Variants in LRRC40 observed in about 807,000 individuals in gnomAD.
The protein encoded by LRRC40 is leucine-rich repeat-containing protein 40.
LRRC40 carries 76 observed loss-of-function variants against 72.8 expected under a neutral mutation model. The observed-to-expected ratio is 1.04, with a 90% CI of 0.87 to 1.26. The LOEUF (loss-of-function observed/expected upper bound fraction) is 1.26. LRRC40 is among the 50% of genes most tolerant of loss of function. LRRC40 has a pLI of 0.00. For missense variants in LRRC40, 684 were observed against 698.9 expected, an observed-to-expected ratio of 0.98 and a Z score of 0.24; for synonymous variants, 243 against 254.2, an observed-to-expected ratio of 0.96 and a Z score of 0.42.
intron 9 of LRRC40, among the ~76,000 whole-genome samples, chr1:70,166,834 G>A (rs1274063184): frequency 6.6e-6 from 1 of 151,612 alleles, no homozygotes; most frequent in Non-Finnish European, 1.5e-5. Flanking sequence ...ACATGCATTT[G>A]TTTTTGGCTT....
At chr1:70,195,201 T>C (rs916514474) in intron 1 of LRRC40, among the ~76,000 whole-genome samples, 3 of 151,982 alleles carry the variant, frequency 2.0e-5, no homozygotes, top group Non-Finnish European at 2.9e-5. Flanking sequence ...AGAAAAACAA[T>C]TGATAAACTA....
At chr1:70,176,710 T>C (rs1187730504) in intron 6 of LRRC40, among the ~76,000 whole-genome samples, 1 of 152,074 alleles carries the variant, frequency 6.6e-6, no homozygotes, top group Non-Finnish European at 1.5e-5. Flanking sequence ...AGGGTCCACT[T>C]TTATATAAAT....
At chr1:70,198,701 T>C (rs911357606) in intron 1 of LRRC40, among the ~76,000 whole-genome samples, 1 of 152,142 alleles carries the variant, frequency 6.6e-6, no homozygotes, top group African/African-American at 2.4e-5. Flanking sequence ...GCGAACAAAA[T>C]TTGAATGTTT....
intron 5 of LRRC40, chr1:70,180,580 A>G (rs1257278055): frequency 6.6e-6 from 1 of 152,264 alleles, no homozygotes; most frequent in Admixed American, 6.5e-5. Flanking sequence ...TAGTTCTACA[A>G]TACTTCAGAT....
chr1:70,160,190 C>G (rs775973352), intron 9 of LRRC40, among the ~76,000 whole-genome samples: 1 of 151,970 alleles, frequency 6.6e-6, no homozygotes, highest in Non-Finnish European at 1.5e-5. Flanking sequence ...AATGTGAAAA[C>G]GATGAAACAG....
chr1:70,203,312 T>C (rs962146017), intron 1 of LRRC40, among the ~76,000 whole-genome samples: 8 of 152,200 alleles, frequency 5.3e-5, no homozygotes, highest in African/African-American at 1.7e-4. Flanking sequence ...CTATGGGAAG[T>C]CATTAAACGT....
At chr1:70,146,148 C>G (rs61784322) in intron 14 of LRRC40, among the ~76,000 whole-genome samples, 1 of 152,086 alleles carries the variant, frequency 6.6e-6, no homozygotes, top group Admixed American at 6.6e-5. Context: ...CCTCAGCCTC[C>G]CGGGTAGCTG....
intron 1 of LRRC40, among the ~76,000 whole-genome samples, chr1:70,190,958 AT>A (rs1453480633): frequency 3.3e-5 from 5 of 152,046 alleles, no homozygotes; most frequent in African/African-American, 1.2e-4. Flanking sequence ...GCACCATACA[AT>A]TTATCATCAT....
intron 13 of LRRC40, among the ~76,000 whole-genome samples, chr1:70,149,585 A>G (rs1472763532): frequency 6.6e-6 from 1 of 152,228 alleles, no homozygotes; most frequent in East Asian, 1.9e-4. Context: ...ATTACTTGCA[A>G]GGCAATTGTT....
chr1:70,149,402 A>C (rs747316480), intron 13 of LRRC40, among the ~76,000 whole-genome samples: 21 of 152,226 alleles, frequency 1.4e-4, no homozygotes, highest in Non-Finnish European at 2.8e-4. Context: ...AGTGAAGTGT[A>C]AACTCAAGGC....
chr1:70,187,924 A>C (rs1668404312), intron 2 of LRRC40, among the ~76,000 whole-genome samples: 1 of 143,118 alleles, frequency 7.0e-6, no homozygotes, highest in African/African-American at 2.6e-5. Context: ...CAACCACTTT[A>C]AATATTATAC....
chr1:70,168,658 G>C (rs1249599573), intron 9 of LRRC40, among the ~76,000 whole-genome samples: 1 of 152,220 alleles, frequency 6.6e-6, no homozygotes, highest in Non-Finnish European at 1.5e-5. Flanking sequence ...CTGTATACAA[G>C]CAGACTGTAC....
chr1:70,192,618 G>T (rs1370506487), intron 1 of LRRC40, among the ~76,000 whole-genome samples: 1 of 152,080 alleles, frequency 6.6e-6, no homozygotes, highest in African/African-American at 2.4e-5. Flanking sequence ...TATACATCAT[G>T]GAATACTATG....
intron 1 of LRRC40, among the ~76,000 whole-genome samples, chr1:70,200,004 A>G (rs1163101312): frequency 6.6e-6 from 1 of 152,206 alleles, no homozygotes; most frequent in Non-Finnish European, 1.5e-5. Flanking sequence ...AGTCTAGTTA[A>G]CAATCCTATC....
chr1:70,172,488 A>T (rs1229416950), intron 9 of LRRC40, among the ~76,000 whole-genome samples: 1 of 152,158 alleles, frequency 6.6e-6, no homozygotes, highest in Non-Finnish European at 1.5e-5. Flanking sequence ...CTTTGGATAG[A>T]AGCTGTCTAG....
chr1:70,178,888 C>T lies in LRRC40; in HGVS notation c.767G>A (p.Arg256His), dbSNP rs369970348. The change falls in exon 6 of 15, where the codon CGT becomes CAT. Residue 256 changes from arginine (R) to histidine (H), a missense_variant. Arg to His is a conservative substitution (Grantham distance 29). Coordinates refer to ENST00000370952, the MANE Select transcript of LRRC40 (RefSeq NM_017768.5). ...ELLYLRRNKL[R>H]FLPEFPSCSL... ...ACAAGAAGGAAATTCTGGTAGAAAA[C>T]GTAATTTATTCCTCCGCAAATAAAG... 1.1e-5 allele frequency: 18 copies of T among 1,596,144 alleles called. No homozygotes were observed. Among genetic ancestry groups the T allele is most frequent in the African/African-American group, 6.7e-5 (5 of 74,668 alleles).
rs201833132 is a variant in LRRC40 at position 70,181,041 on chromosome 1, C to T, written c.661+45G>A. On this transcript the variant is annotated intron_variant, in intron 5 of 14. Coordinates refer to ENST00000370952, the MANE Select transcript of LRRC40 (RefSeq NM_017768.5). ...AAAATTACTTTCTAAATGTAAGTTG[C>T]ACCAACTTCAAATTTATGTATTATG... is the stretch of plus-strand genomic sequence containing the variant. The T allele has an allele frequency of 2.3e-3, 2,993 of 1,313,200 alleles. 14 individuals are homozygous for T. The highest frequency in any genetic ancestry group is 2.8e-3 in the Non-Finnish European group (2,630 of 953,408). The allele number at this position is 1,313,200 out of a possible 1,614,324, so 81.3% of individuals were successfully genotyped here.
chr1:70,167,803 T>C (rs1667920341), intron 9 of LRRC40, among the ~76,000 whole-genome samples: 1 of 151,836 alleles, frequency 6.6e-6, no homozygotes, highest in South Asian at 2.1e-4. Flanking sequence ...TTAGTAGAGA[T>C]GGGGTTTCAC....
At chr1:70,182,529 C>A (rs1260406467) in intron 4 of LRRC40, among the ~76,000 whole-genome samples, 1 of 151,876 alleles carries the variant, frequency 6.6e-6, no homozygotes, top group Admixed American at 6.6e-5. Context: ...TAAAAAGTTA[C>A]TAACAAAAAA....
Sources: allele counts gnomAD v4.1 joint callset (sites outside exome capture counted in the v4.1 genomes callset), GRCh38; gene constraint gnomAD v4.1.1; transcripts MANE v1.5; gene names NCBI Gene and HGNC (gene_info 2026-07-23, HGNC 2026-07-21).